The following PRPF4 variants were observed in gnomAD, a reference collection of about 807,000 sequenced individuals.
PRPF4 encodes pre-mRNA splicing tri-snRNP complex factor PRPF4.
Under a neutral mutation model 72.2 loss-of-function variants are expected in PRPF4, and 14 were observed. That is an observed-to-expected ratio of 0.19 (90% CI 0.13 to 0.30). The LOEUF (loss-of-function observed/expected upper bound fraction) is 0.30. Among genes scored for constraint, PRPF4 ranks in the 10% least tolerant of loss-of-function variants. The pLI is 1.00. For missense variants in PRPF4, 478 were observed against 653.9 expected, an observed-to-expected ratio of 0.73 and a Z score of 2.93; for synonymous variants, 225 against 232.2, an observed-to-expected ratio of 0.97 and a Z score of 0.28.
chr9:113,291,456 T>C lies in PRPF4; in HGVS notation c.1373-11T>C, dbSNP rs1832606111. 1.2e-6 allele frequency: 2 copies of C among 1,602,816 alleles called. No homozygotes were observed. The highest frequency in any genetic ancestry group is 1.1e-5 in the South Asian group (1 of 90,448). On this transcript the variant is annotated splice_polypyrimidine_tract_variant and intron_variant, in intron 13 of 13. Transcript: ENST00000374198. ...AATTCCTCAAGCAATTCCCCTTCTC[T>C]TCTCCTGTAGCTATCCATGGGAACT...
intron 7 of PRPF4, among the ~76,000 whole-genome samples, chr9:113,285,391 T>C (rs1832407308): frequency 1.2e-5 from 1 of 83,758 alleles, no homozygotes; most frequent in Non-Finnish European, 2.2e-5. Context: ...TTTTTTTTTT[T>C]TTTTTGAGAC....
intron 1 of PRPF4, among the ~76,000 whole-genome samples, chr9:113,276,011 C>T (rs1588006363): frequency 6.6e-6 from 1 of 152,362 alleles, no homozygotes; most frequent in African/African-American, 2.4e-5. Context: ...TCTCTTCCGA[C>T]TCATCCAGTA....
chr9:113,290,192 G>A (rs1007182377), intron 10 of PRPF4, among the ~76,000 whole-genome samples: 4 of 151,654 alleles, frequency 2.6e-5, no homozygotes, highest in African/African-American at 9.7e-5. Context: ...TGTGCTCCAG[G>A]CTGGGCAACA....
chr9:113,288,684 G>A (rs756128890), intron 10 of PRPF4, among the ~76,000 whole-genome samples: 13 of 151,960 alleles, frequency 8.6e-5, no homozygotes, highest in Non-Finnish European at 1.8e-4. Flanking sequence ...TGATCTTCCC[G>A]CCTCAGCCTC....
chr9:113,275,701 A>C lies in PRPF4; in HGVS notation c.-43A>C. On this transcript the variant is annotated 5_prime_UTR_variant, in exon 1 of 14. Transcript: ENST00000374198. ...GCGCGCGGTGGACGGTCTGAAAGGG[A>C]GTGTTCGGGTTTCGCTGGGGCCTCG... 6.2e-7 allele frequency: 1 copy of C among 1,601,452 alleles called. No individual in the cohort carries two copies. Among genetic ancestry groups the C allele is most frequent in the Non-Finnish European group, 8.5e-7 (1 of 1,173,976 alleles).
In PRPF4 at chr9:113,291,858, C is replaced by T. The variant is rs922746663; in HGVS notation, c.*198C>T. On this transcript the variant is annotated 3_prime_UTR_variant, in exon 14 of 14. Coordinates refer to ENST00000374198, the MANE Select transcript of PRPF4 (RefSeq NM_001244926.2). ...CCTAGGTGATGGGGAACCCCTCTCA[C>T]GGTTGAAAATTTATTACCTTTTTAC... 1.6e-5 allele frequency: 9 copies of T among 554,202 alleles called. No individual in the cohort carries two copies. The highest frequency in any genetic ancestry group is 7.6e-5 in the African/African-American group (4 of 52,928). The allele number at this position is 554,202 out of a possible 1,614,324, so 34.3% of individuals were successfully genotyped here.
chr9:113,279,030 G>T lies in PRPF4; in HGVS notation c.291G>T (p.Gln97His). 2 of 1,614,252 alleles carry T rather than the reference G, an allele frequency of 1.2e-6. No homozygotes were observed. The highest frequency in any genetic ancestry group is 1.7e-6 in the Non-Finnish European group (2 of 1,180,038). Residue 97 changes from glutamine (Q) to histidine (H), a missense_variant, in exon 3 of 14, where the codon CAG becomes CAT. Physicochemically the swap from Gln to His is conservative, Grantham distance 24. Transcript: ENST00000374198. Reference sequence around the variant, plus strand: ...TTGAGAGAAGGAAGCGAGCCCGGCAGATCAATGTTTCCACAGATGACTCAG... The same window carrying T: ...TTGAGAGAAGGAAGCGAGCCCGGCATATCAATGTTTCCACAGATGACTCAG... Reference protein sequence around the residue: ...AEFERRKRARQINVSTDDSEV... With the variant: ...AEFERRKRARHINVSTDDSEV...
Position 113,276,764 on chromosome 9 carries a change from G to T in PRPF4, c.205+39G>T, listed in dbSNP as rs1255972240. 1.9e-6 allele frequency: 3 copies of T among 1,555,762 alleles called. No individual in the cohort carries two copies. The Admixed American group carries it at 5.9e-5, about 31-fold the overall frequency. ...TGTGAGCCCATCTTTACCTCTTTGT[G>T]TAATGAATACCTTTCTAAACTTAAA... On this transcript the variant is annotated intron_variant, in intron 2 of 13. Coordinates refer to ENST00000374198, the MANE Select transcript of PRPF4 (RefSeq NM_001244926.2).
chr9:113,281,430 C>T (rs1341468612), intron 3 of PRPF4, among the ~76,000 whole-genome samples: 1 of 152,198 alleles, frequency 6.6e-6, no homozygotes, highest in African/African-American at 2.4e-5. Flanking sequence ...TTTCAGTCCA[C>T]GGTTGTGACT....
chr9:113,290,374 ATAACT>A, intron 10 of PRPF4, 87 bp from the exon 11 acceptor site: 1 of 1,554,728 alleles, frequency 6.4e-7, no homozygotes, highest in South Asian at 1.2e-5. Context: ...AGAAGCATTA[ATAACT>A]TAAGCTATAA....
At chr9:113,278,702 TTATA>T (rs1256902293) in intron 2 of PRPF4, among the ~76,000 whole-genome samples, 5 of 152,220 alleles carry the variant, frequency 3.3e-5, no homozygotes, top group African/African-American at 1.2e-4. Flanking sequence ...AAGTGTGTGT[TTATA>T]TAGGCACAAA....
chr9:113,276,744 G>A lies in PRPF4; in HGVS notation c.205+19G>A. The A allele has an allele frequency of 1.9e-6, 3 of 1,593,790 alleles. No homozygotes were observed. Among genetic ancestry groups the A allele is most frequent in the South Asian group, 1.1e-5 (1 of 88,450 alleles). ...ACCTCTGGTAAGATGCAAATTGTGA[G>A]CCCATCTTTACCTCTTTGTGTAATG... On this transcript the variant is annotated intron_variant, in intron 2 of 13. Transcript: ENST00000374198.
chr9:113,290,246 G>A (rs529460830), intron 10 of PRPF4, among the ~76,000 whole-genome samples: 12 of 151,110 alleles, frequency 7.9e-5, no homozygotes, highest in Admixed American at 3.3e-4. Flanking sequence ...AAAAGCCCTA[G>A]AGGTTTACAG....
chr9:113,288,098 T>A, intron 9 of PRPF4, 77 bp from the exon 10 acceptor site: 2 of 1,358,050 alleles, frequency 1.5e-6, no homozygotes. Context: ...AGAATGGGTA[T>A]GTCTGCACAG....
Position 113,279,078 on chromosome 9 carries a change from C to T in PRPF4, c.339C>T (p.Ala113=). ...DDSEVKACLR[A]LGEPITLFGE... is the part of the protein sequence containing the mutation. The stretch of plus-strand genomic sequence containing the variant: ...CAGAGGTCAAAGCTTGCCTTAGAGC[C>T]TTGGGGGAACCCATCACACTTTTTG... The change falls in exon 3 of 14, where the codon GCC becomes GCT. Residue 113 remains alanine, a synonymous_variant. Transcript: ENST00000374198. The T allele has an allele frequency of 6.2e-7, 1 of 1,614,216 alleles. No homozygotes were observed.
At position 113,290,783 on chromosome 9, in the gene PRPF4, A is replaced by G. The variant is rs1176482417; in HGVS notation, c.1229A>G (p.Tyr410Cys). ...TTAGAAGGCCACCTGAAAGAAATCTATGGAATAAATTTCTCCCCCAATGGG... is the reference window on the plus strand; with the variant it reads ...TTAGAAGGCCACCTGAAAGAAATCTGTGGAATAAATTTCTCCCCCAATGGG... ...MFLEGHLKEI[Y>C]GINFSPNGYH... Residue 410 changes from tyrosine (Y) to cysteine (C), a missense_variant, in exon 12 of 14, where the codon TAT (tyrosine) becomes TGT (cysteine). Physicochemically the swap from Tyr to Cys is radical, Grantham distance 194. Coordinates refer to ENST00000374198, the MANE Select transcript of PRPF4 (RefSeq NM_001244926.2). 6.2e-6 allele frequency: 10 copies of G among 1,614,110 alleles called. No homozygotes were observed. Among genetic ancestry groups the G allele is most frequent in the East Asian group, 2.2e-5 (1 of 44,906 alleles).
rs767469689 is a variant in PRPF4, at chr9:113,284,295, T to A, written c.655T>A (p.Ser219Thr). The A allele has an allele frequency of 6.2e-7, 1 of 1,603,594 alleles. No individual in the cohort carries two copies. Among genetic ancestry groups the A allele is most frequent in the East Asian group, 2.2e-5 (1 of 44,816 alleles). Residue 219 changes from serine to threonine, a missense_variant and splice_region_variant, in exon 7 of 14, where the codon TCT becomes ACT. Coordinates refer to ENST00000374198, the MANE Select transcript of PRPF4 (RefSeq NM_001244926.2). ...TGTGTGTATTTTTTTTCTTTTTAAGTCTTTGAATAATTTTTGCAGTCAGAT... is the reference window on the plus strand; with the variant it reads ...TGTGTGTATTTTTTTTCTTTTTAAGACTTTGAATAATTTTTGCAGTCAGAT... ...QMQELHKSLR[S>T]LNNFCSQIGD...
At chr9:113,283,075 TATA>T in intron 4 of PRPF4, 54 bp from the exon 5 acceptor site, 1 of 1,611,912 alleles carries the variant, frequency 6.2e-7, no homozygotes, top group Middle Eastern at 1.7e-4. Flanking sequence ...AAATGACAGT[TATA>T]AGAGGAGTAG....
intron 10 of PRPF4, among the ~76,000 whole-genome samples, chr9:113,288,506 G>A (rs1233236355): frequency 2.0e-5 from 3 of 151,178 alleles, no homozygotes; most frequent in African/African-American, 7.3e-5. Flanking sequence ...GCGCGATCTC[G>A]GCTCACTGCA....
Sources: allele counts gnomAD v4.1 joint callset (sites outside exome capture counted in the v4.1 genomes callset), GRCh38; gene constraint gnomAD v4.1.1; transcripts MANE v1.5; gene names NCBI Gene and HGNC (gene_info 2026-07-23, HGNC 2026-07-21).